The following RBFOX3 variants were observed in gnomAD, a reference collection of about 807,000 sequenced individuals.
RBFOX3 encodes the protein RNA binding protein fox-1 homolog 3.
In RBFOX3, 17 loss-of-function variants were observed where a neutral mutation model predicts 48.7. The observed-to-expected ratio is 0.35, with a 90% CI of 0.24 to 0.52. The LOEUF is 0.52. Ranked by LOEUF, RBFOX3 falls within the 20% of genes least tolerant of loss-of-function variation. The probability of loss-of-function intolerance (pLI) is 0.94; values close to 1 mark genes in which losing one functional copy is unlikely to be tolerated. For missense variants in RBFOX3, 382 were observed against 497.5 expected (o/e 0.77, Z 2.21); for synonymous variants, 212 against 209.5 (o/e 1.01, Z -0.10).
intron 3 of RBFOX3, among the ~76,000 whole-genome samples, chr17:79,251,238 A>C (rs1257745330): frequency 6.6e-6 from 1 of 152,120 alleles, no homozygotes; most frequent in African/African-American, 2.4e-5. Flanking sequence ...GAACTCCTGC[A>C]TGTAGGTTTA....
chr17:79,103,812 C>T lies in RBFOX3; in HGVS notation c.414+261G>A, dbSNP rs955201577. Among the ~76,000 whole-genome samples, 6 of 150,640 alleles carry T rather than the reference C, an allele frequency of 4.0e-5. No homozygotes were observed. The highest frequency in any genetic ancestry group is 9.8e-5 in the African/African-American group (4 of 40,984). On this transcript the variant is annotated intron_variant, in intron 7 of 14. Coordinates refer to ENST00000693108, the MANE Select transcript of RBFOX3 (RefSeq NM_001350451.2). The surrounding 1 kb of genome is among the most constrained non-coding windows in gnomAD (Gnocchi z 6.1). ...GTAAGTGTTCAGTGGGGGTGGGGCC[C>T]GGACCTGGGGCCCAGGGCTCTGGGG...
intron 1 of RBFOX3, among the ~76,000 whole-genome samples, chr17:79,545,901 T>C (rs1555791737): frequency 6.6e-6 from 1 of 152,240 alleles, no homozygotes; most frequent in African/African-American, 2.4e-5. Context: ...TGGAAGGTTC[T>C]CCTTTGATCA....
Position 79,480,691 on chromosome 17 carries a change from C to T in RBFOX3, c.-175+1763G>A, listed in dbSNP as rs2078651816. ...CTGGCCATTCCCTCTGTCTGGAACA[C>T]TCTCCCCTCAGACATCCTGGGGTCC... is the stretch of plus-strand genomic sequence containing the variant. On this transcript the variant is annotated intron_variant, in intron 2 of 14. Coordinates refer to ENST00000693108, the MANE Select transcript of RBFOX3 (RefSeq NM_001350451.2). The surrounding 1 kb of genome is among the most constrained non-coding windows in gnomAD (Gnocchi z 4.8). Among the ~76,000 whole-genome samples the T allele has an allele frequency of 6.6e-6, 1 of 152,166 alleles. No individual in the cohort carries two copies. Among genetic ancestry groups the T allele is most frequent in the Non-Finnish European group, 1.5e-5 (1 of 68,046 alleles).
chr17:79,559,725 A>G (rs2092070561), intron 1 of RBFOX3, among the ~76,000 whole-genome samples: 2 of 124,502 alleles, frequency 1.6e-5, no homozygotes, highest in South Asian at 3.0e-4. Context: ...TGGGTGGTGG[A>G]TGGATGGGTG....
At chr17:79,656,660 A>T in the RBFOX3 span, among the ~76,000 whole-genome samples, 7 of 122,188 alleles carry the variant, frequency 5.7e-5, no homozygotes, top group Non-Finnish European at 1.2e-4. Flanking sequence ...AGAAAGGAAG[A>T]GAAGAAAGGA....
chr17:79,301,596 T>C (rs2145348620), intron 3 of RBFOX3, among the ~76,000 whole-genome samples: 1 of 152,304 alleles, frequency 6.6e-6, no homozygotes, highest in South Asian at 2.1e-4. Flanking sequence ...AAAGTGAGTT[T>C]CCTAGTCAGT....
At chr17:79,366,245 A>G (rs2057731469) in intron 2 of RBFOX3, among the ~76,000 whole-genome samples, 1 of 152,240 alleles carries the variant, frequency 6.6e-6, no homozygotes, top group African/African-American at 2.4e-5. Flanking sequence ...TTTCTGGTAG[A>G]CGATCAGGCA....
intron 3 of RBFOX3, among the ~76,000 whole-genome samples, chr17:79,264,966 G>GA (rs1491318228): frequency 1.2e-5 from 1 of 85,186 alleles, no homozygotes; most frequent in South Asian, 3.2e-4. Context: ...TGCGAGAGGA[G>GA]GGGGGGGGGG....
intron 2 of RBFOX3, among the ~76,000 whole-genome samples, chr17:79,466,843 GTC>G (rs2076378184): frequency 6.6e-6 from 1 of 152,080 alleles, no homozygotes; most frequent in Admixed American, 6.5e-5. Context: ...GAGGCCACAG[GTC>G]TCCCCACCTA....
chr17:79,170,516 T>A (rs1196800327), intron 4 of RBFOX3, among the ~76,000 whole-genome samples: 1 of 152,092 alleles, frequency 6.6e-6, no homozygotes, highest in East Asian at 1.9e-4. Context: ...GGCTCAAGCA[T>A]CCCATCCACC....
At chr17:79,538,155 C>T (rs1555789231) in intron 1 of RBFOX3, among the ~76,000 whole-genome samples, 1 of 152,246 alleles carries the variant, frequency 6.6e-6, no homozygotes, top group African/African-American at 2.4e-5. Context: ...AAACTTAAAA[C>T]CGACAGAAGA....
chr17:79,590,312 G>A (rs1203597306), intron 1 of RBFOX3, among the ~76,000 whole-genome samples: 2 of 152,180 alleles, frequency 1.3e-5, no homozygotes, highest in Non-Finnish European at 2.9e-5. Flanking sequence ...GGGGCTAGAT[G>A]GAGGCAAAGA....
At chr17:79,124,639 G>T (rs906004171) in intron 4 of RBFOX3, among the ~76,000 whole-genome samples, 2 of 116,344 alleles carry the variant, frequency 1.7e-5, no homozygotes, top group Non-Finnish European at 3.5e-5. Context: ...CGGGTGTGGG[G>T]GCAGAGGGAA....
upstream of RBFOX3, among the ~76,000 whole-genome samples, chr17:79,615,602 CCT>C (rs1266367173): frequency 3.9e-5 from 6 of 152,328 alleles, no homozygotes; most frequent in African/African-American, 1.4e-4. Context: ...CCCCTGCTCC[CCT>C]CTGTGCCCGG....
At chr17:79,486,390 T>G (rs1432137709) in intron 1 of RBFOX3, among the ~76,000 whole-genome samples, 1 of 152,086 alleles carries the variant, frequency 6.6e-6, no homozygotes, top group Non-Finnish European at 1.5e-5. Context: ...AGTGCAGTGC[T>G]CAGAGCACAG....
chr17:79,296,853 C>T lies in RBFOX3; in HGVS notation c.-74+10871G>A, dbSNP rs1376961602. On this transcript the variant is annotated intron_variant, in intron 3 of 14. Coordinates refer to ENST00000693108, the MANE Select transcript of RBFOX3 (RefSeq NM_001350451.2). ...CTTCCTCCCCCCTCCTCCCCCTCCT[C>T]CTGCTTCTCCTCCCTTTCCTTCTCC... 2.4e-5 allele frequency among the ~76,000 whole-genome samples: 3 copies of T among 125,244 alleles called. 1 individual carries two copies. The highest frequency in any genetic ancestry group is 2.4e-4 in the Admixed American group (3 of 12,654). 82.2% of individuals were successfully genotyped at this position (125,244 alleles called of 152,430 possible).
chr17:79,426,034 G>C (rs1555725345), intron 2 of RBFOX3, among the ~76,000 whole-genome samples: 2 of 152,102 alleles, frequency 1.3e-5, no homozygotes, highest in African/African-American at 4.8e-5. Context: ...CAAGGCTGCG[G>C]GACTCATGGC....
intron 2 of RBFOX3, among the ~76,000 whole-genome samples, chr17:79,348,845 G>A (rs1337620786): frequency 1.3e-5 from 2 of 151,574 alleles, no homozygotes; most frequent in South Asian, 4.2e-4. Context: ...CAAAGTGCTG[G>A]TATTACAGAC....
chr17:79,412,777 G>A (rs572185503), intron 2 of RBFOX3, among the ~76,000 whole-genome samples: 1 of 151,516 alleles, frequency 6.6e-6, no homozygotes, highest in South Asian at 2.1e-4. Flanking sequence ...ATGTCTGTGT[G>A]GTGTATGTGT....
Sources: gnomAD v4.1 joint callset for allele counts (sites outside exome capture counted in the v4.1 genomes callset) on GRCh38, gnomAD v4.1.1 for gene constraint, Gnocchi (gnomAD v3.1) non-coding constraint, MANE v1.5 for transcripts, NCBI Gene and HGNC (gene_info 2026-07-23, HGNC 2026-07-21) for gene names.